Variants in TNFSF8 observed in about 807,000 individuals in gnomAD.
TNFSF8 encodes the protein tumor necrosis factor ligand superfamily member 8.
TNFSF8 carries 4 observed loss-of-function variants against 22.0 expected under a neutral mutation model. The ratio of observed to expected loss-of-function variants is 0.18; its 90% CI spans 0.09 to 0.42. The LOEUF (loss-of-function observed/expected upper bound fraction) is 0.42. TNFSF8 is among the 10% of genes least tolerant of loss of function. The pLI is 1.00. For synonymous variants in TNFSF8, 106 were observed against 112.5 expected (o/e 0.94, Z 0.37); for missense variants, 233 against 281.8 (o/e 0.83, Z 1.24).
At chr9:114,900,603 G>A (rs935513479), downstream of TNFSF8, among the ~76,000 whole-genome samples, 6 of 152,112 alleles carry the variant, frequency 3.9e-5, no homozygotes, top group African/African-American at 7.2e-5. Context: ...TCTCGCCCCG[G>A]TCACTCTGGG....
intron 2 of TNFSF8, 82 bp from the exon 3 acceptor site, chr9:114,905,981 T>G: frequency 1.1e-6 from 1 of 894,264 alleles, no homozygotes; most frequent in South Asian, 1.4e-5. Flanking sequence ...TACAACACTT[T>G]GATGGAGACA....
chr9:114,930,064 G>A (rs3181357), intron 1 of TNFSF8, 45 bp downstream of exon 1: 107,427 of 1,395,648 alleles, frequency 0.077, 14,214 homozygotes, highest in African/African-American at 0.56. Context: ...CTTTCTCTCG[G>A]GAAAACAACA....
downstream of TNFSF8, among the ~76,000 whole-genome samples, chr9:114,900,826 G>A (rs940267698): frequency 5.3e-5 from 8 of 152,138 alleles, no homozygotes; most frequent in Middle Eastern, 3.4e-3. Context: ...TACTAAAAAC[G>A]CAAAAATCAG....
At chr9:114,912,838 G>C (rs1326268017) in intron 2 of TNFSF8, among the ~76,000 whole-genome samples, 1 of 152,222 alleles carries the variant, frequency 6.6e-6, no homozygotes, top group Non-Finnish European at 1.5e-5. Flanking sequence ...AAATTAGAGA[G>C]CCAACCTCAC....
chr9:114,894,016 A>G, exon 5 of TNFSF8: 3 of 1,368,072 alleles, frequency 2.2e-6, no homozygotes. Flanking sequence ...ATGACTTTCC[A>G]CTTAGCAGTG....
chr9:114,909,520 A>T (rs1002720893), intron 2 of TNFSF8, among the ~76,000 whole-genome samples: 2 of 152,236 alleles, frequency 1.3e-5, no homozygotes, highest in African/African-American at 4.8e-5. Context: ...TTTTGGCATT[A>T]AAAGCAATAA....
intron 2 of TNFSF8, among the ~76,000 whole-genome samples, chr9:114,912,068 G>C (rs1406672742): frequency 1.3e-5 from 2 of 152,240 alleles, no homozygotes; most frequent in African/African-American, 4.8e-5. Flanking sequence ...ATTTTAGAAA[G>C]TTAGACAGAC....
chr9:114,907,551 G>A (rs187665948), intron 2 of TNFSF8, among the ~76,000 whole-genome samples: 86 of 152,196 alleles, frequency 5.7e-4, no homozygotes, highest in Middle Eastern at 6.8e-3. Context: ...GACTCCTTTC[G>A]CCTGCAGGAT....
chr9:114,900,107 T>G (rs567809863), downstream of TNFSF8, among the ~76,000 whole-genome samples: 5 of 152,328 alleles, frequency 3.3e-5, no homozygotes, highest in Admixed American at 3.3e-4. Context: ...ACTATCTAAT[T>G]CCTTCTCAGA....
At chr9:114,899,039 A>C (rs146025413), downstream of TNFSF8, among the ~76,000 whole-genome samples, 59 of 152,126 alleles carry the variant, frequency 3.9e-4, no homozygotes, top group African/African-American at 1.3e-3. Context: ...CTTCTCCCCC[A>C]CCACCTAGGC....
chr9:114,907,111 A>G (rs1259212650), intron 2 of TNFSF8, among the ~76,000 whole-genome samples: 1 of 152,190 alleles, frequency 6.6e-6, no homozygotes. Context: ...CCTCCTGGCC[A>G]TCCTCATAGC....
At chr9:114,915,395 T>C (rs1827906356) in intron 2 of TNFSF8, among the ~76,000 whole-genome samples, 1 of 152,218 alleles carries the variant, frequency 6.6e-6, no homozygotes. Context: ...AAAAGACTTG[T>C]TGATGTGGTC....
chr9:114,917,899 G>T (rs1827938955), intron 2 of TNFSF8, among the ~76,000 whole-genome samples, 197 bp downstream of exon 2: 1 of 152,232 alleles, frequency 6.6e-6, no homozygotes, highest in Non-Finnish European at 1.5e-5. Flanking sequence ...TGGGAGACTT[G>T]TGGGGATGAG....
At chr9:114,905,731 G>T in intron 3 of TNFSF8, 97 bp downstream of exon 3, 1 of 930,034 alleles carries the variant, frequency 1.1e-6, no homozygotes, top group Non-Finnish European at 1.8e-6. Context: ...GTCACATTTG[G>T]CCATGGGACT....
chr9:114,913,613 G>A (rs1214050010), intron 2 of TNFSF8, among the ~76,000 whole-genome samples: 9 of 152,246 alleles, frequency 5.9e-5, no homozygotes, highest in South Asian at 2.1e-4. Flanking sequence ...AAGGATTTGC[G>A]GTACTGAGTT....
At chr9:114,896,451 AT>A (rs1449953207), downstream of TNFSF8, among the ~76,000 whole-genome samples, 2 of 152,220 alleles carry the variant, frequency 1.3e-5, no homozygotes, top group Non-Finnish European at 2.9e-5. Flanking sequence ...CCAAGGTTTG[AT>A]TTAAACTTTC....
At position 114,901,269 on chromosome 9, in the gene TNFSF8, T is replaced by C; in HGVS notation, c.*2662A>G. ...AGAGTAACAGAATTTAGTTTTAAACTTCCTGGGTTGCCTACTCCCTACATA... is the reference window on the plus strand; with the variant it reads ...AGAGTAACAGAATTTAGTTTTAAACCTCCTGGGTTGCCTACTCCCTACATA... On this transcript the variant is annotated 3_prime_UTR_variant, in exon 4 of 4. Transcript: ENST00000223795. The C allele has an allele frequency of 1.0e-6, 1 of 985,410 alleles. No homozygotes were observed. Among genetic ancestry groups the C allele is most frequent in the Non-Finnish European group, 1.2e-6 (1 of 829,896 alleles). 61.0% of individuals were successfully genotyped at this position (985,410 alleles called of 1,614,324 possible).
At chr9:114,917,534 A>C (rs1827934897) in intron 2 of TNFSF8, among the ~76,000 whole-genome samples, 1 of 152,246 alleles carries the variant, frequency 6.6e-6, no homozygotes, top group African/African-American at 2.4e-5. Flanking sequence ...CGTGTTAATT[A>C]GTGACTTCAA....
At chr9:114,904,476 G>A (rs1827760224) in intron 3 of TNFSF8, 151 bp from the exon 4 acceptor site, 1 of 1,180,042 alleles carries the variant, frequency 8.5e-7, no homozygotes, top group East Asian at 2.5e-5. Flanking sequence ...ACTCCCTCTA[G>A]AGTCTACTTA....
Sources: allele counts gnomAD v4.1 joint callset (sites outside exome capture counted in the v4.1 genomes callset), GRCh38; gene constraint gnomAD v4.1.1; transcripts MANE v1.5; gene names NCBI Gene and HGNC (gene_info 2026-07-23, HGNC 2026-07-21).